The following RABGEF1 variants were observed in gnomAD, a reference collection of about 807,000 sequenced individuals.
The protein encoded by RABGEF1 is RAB guanine nucleotide exchange factor 1, also known as rab5 GDP/GTP exchange factor.
A neutral mutation model predicts 57.3 loss-of-function variants in RABGEF1; 26 were observed. The observed-to-expected ratio is 0.45, with a 90% CI of 0.33 to 0.63. RABGEF1 has a LOEUF of 0.63. RABGEF1 is among the 20% of genes least tolerant of loss of function. RABGEF1 has a pLI of 0.02. For missense variants in RABGEF1, 464 were observed against 607.6 expected (o/e 0.76, Z 2.48); for synonymous variants, 185 against 210.7 (o/e 0.88, Z 1.06).
chr7:66,751,174 A>T (rs958622237), intron 1 of RABGEF1, among the ~76,000 whole-genome samples: 27 of 152,014 alleles, frequency 1.8e-4, no homozygotes, highest in African/African-American at 6.3e-4. Context: ...GGAATTACAG[A>T]CGTGCGCCAC....
At chr7:66,745,890 T>C (rs905768202) in intron 1 of RABGEF1, among the ~76,000 whole-genome samples, 1 of 151,714 alleles carries the variant, frequency 6.6e-6, no homozygotes, top group African/African-American at 2.4e-5. Context: ...AGCCTAGGAG[T>C]TCCAGGCTGC....
chr7:66,794,207 A>ATTTTTTT (rs1174835014), intron 4 of RABGEF1, among the ~76,000 whole-genome samples: 30 of 91,042 alleles, frequency 3.3e-4, no homozygotes, highest in African/African-American at 5.7e-4. Flanking sequence ...TCCATGTTTA[A>ATTTTTTT]TTTTTTTTTT....
At chr7:66,795,879 C>G (rs1467095065) in intron 5 of RABGEF1, among the ~76,000 whole-genome samples, 2 of 152,230 alleles carry the variant, frequency 1.3e-5, no homozygotes, top group African/African-American at 4.8e-5. Flanking sequence ...TAGCTCATGC[C>G]TGTAATCCCA....
At chr7:66,735,533 T>C (rs1411169865) in intron 2 of RABGEF1, among the ~76,000 whole-genome samples, 1 of 152,206 alleles carries the variant, frequency 6.6e-6, no homozygotes, top group Non-Finnish European at 1.5e-5. Flanking sequence ...TGCCCAAATC[T>C]CATGTCAAAT....
At chr7:66,683,727 C>CATATTTATTTAT (rs1790145327) in intron 1 of RABGEF1, among the ~76,000 whole-genome samples, 1 of 149,328 alleles carries the variant, frequency 6.7e-6, no homozygotes, top group South Asian at 2.1e-4. Context: ...CAAGGAGGTG[C>CATATTTATTTAT]TTATTTATTT....
intron 2 of RABGEF1, among the ~76,000 whole-genome samples, chr7:66,728,769 C>T (rs1796916034): frequency 6.6e-6 from 1 of 151,958 alleles, no homozygotes; most frequent in Non-Finnish European, 1.5e-5. Context: ...CCGCCATCCT[C>T]ACCTCCACCC....
At chr7:66,794,406 T>C (rs1215679284) in intron 4 of RABGEF1, among the ~76,000 whole-genome samples, 3 of 151,974 alleles carry the variant, frequency 2.0e-5, no homozygotes, top group Non-Finnish European at 4.4e-5. Flanking sequence ...TCCTCTAGCC[T>C]CAACCTCCCA....
At chr7:66,694,115 G>A (rs1250057514) in intron 1 of RABGEF1, among the ~76,000 whole-genome samples, 4 of 152,164 alleles carry the variant, frequency 2.6e-5, no homozygotes, top group Non-Finnish European at 5.9e-5. Flanking sequence ...AGCCTTGTTC[G>A]GTAAATTCTT....
At chr7:66,785,675 C>T (rs750968847) in intron 4 of RABGEF1, among the ~76,000 whole-genome samples, 15 of 152,258 alleles carry the variant, frequency 9.9e-5, no homozygotes, top group African/African-American at 3.4e-4. Flanking sequence ...GAGATAGAGA[C>T]CATCCTGGCT....
chr7:66,655,954 C>G, the RABGEF1 span, among the ~76,000 whole-genome samples: 4 of 152,060 alleles, frequency 2.6e-5, no homozygotes, highest in African/African-American at 7.2e-5. Flanking sequence ...GATGGAGCAC[C>G]GAGGAGGGAG....
At chr7:66,664,061 G>A in the RABGEF1 span, among the ~76,000 whole-genome samples, 1 of 141,472 alleles carries the variant, frequency 7.1e-6, no homozygotes, top group African/African-American at 2.6e-5. Context: ...GTGACAGTGA[G>A]ACTTCGTCTC....
chr7:66,713,631 G>T (rs62466787), intron 2 of RABGEF1, among the ~76,000 whole-genome samples: 5,998 of 152,288 alleles, frequency 0.039, 164 homozygotes, highest in East Asian at 0.085. Context: ...CAGTCTTGAA[G>T]TATGACTTTA....
chr7:66,733,735 A>C (rs1019234749), intron 2 of RABGEF1, among the ~76,000 whole-genome samples: 3 of 151,630 alleles, frequency 2.0e-5, no homozygotes, highest in Non-Finnish European at 4.4e-5. Context: ...CTCCTAGGCC[A>C]GGTGCGCCTA....
intron 2 of RABGEF1, among the ~76,000 whole-genome samples, chr7:66,716,873 G>C (rs1003665675): frequency 6.6e-6 from 1 of 152,186 alleles, no homozygotes; most frequent in Non-Finnish European, 1.5e-5. Flanking sequence ...CTGTCTCCCA[G>C]GCTCAAGTGA....
At chr7:66,702,655 G>T (rs1276842926) in intron 1 of RABGEF1, among the ~76,000 whole-genome samples, 1 of 152,026 alleles carries the variant, frequency 6.6e-6, no homozygotes. Flanking sequence ...TTCATTTTTT[G>T]ATTATAGTCA....
chr7:66,715,614 T>G (rs904102728), intron 2 of RABGEF1, among the ~76,000 whole-genome samples: 1 of 152,354 alleles, frequency 6.6e-6, no homozygotes, highest in Non-Finnish European at 1.5e-5. Flanking sequence ...CATTTGAATA[T>G]TTTTTAGTGT....
chr7:66,807,256 C>T (rs777059784), intron 8 of RABGEF1, among the ~76,000 whole-genome samples: 12 of 152,172 alleles, frequency 7.9e-5, no homozygotes, highest in Non-Finnish European at 8.8e-5. Flanking sequence ...CTCCTACACC[C>T]ATTGCTCCAA....
At chr7:66,676,943 C>G in the RABGEF1 span, among the ~76,000 whole-genome samples, 1 of 152,194 alleles carries the variant, frequency 6.6e-6, no homozygotes. Flanking sequence ...TCCAACTTGT[C>G]TATTTTCTTT....
intron 3 of RABGEF1, among the ~76,000 whole-genome samples, chr7:66,782,099 G>T (rs184622883): frequency 1.4e-4 from 22 of 152,286 alleles, no homozygotes; most frequent in African/African-American, 5.1e-4. Flanking sequence ...AAACACTAAA[G>T]AATTTTTTTC....
Sources: gnomAD v4.1 joint callset for allele counts (sites outside exome capture counted in the v4.1 genomes callset) on GRCh38, gnomAD v4.1.1 for gene constraint, MANE v1.5 for transcripts, NCBI Gene and HGNC (gene_info 2026-07-23, HGNC 2026-07-21) for gene names.